The following COBLL1 variants were observed in gnomAD, a reference collection of about 807,000 sequenced individuals.
The protein encoded by COBLL1 is cordon-bleu protein-like 1.
A neutral mutation model predicts 94.8 loss-of-function variants in COBLL1; 50 were observed. That is an observed-to-expected ratio of 0.53 (90% CI 0.42 to 0.67). The LOEUF is 0.67. Ranked by LOEUF, COBLL1 falls within the 30% of genes least tolerant of loss-of-function variation. The pLI is 0.00. For missense variants in COBLL1, 1,362 were observed against 1,348.7 expected (o/e 1.01, Z -0.15); for synonymous variants, 448 against 473.8 (o/e 0.95, Z 0.71).
At chr2:164,806,313 T>G (rs980448328) in intron 2 of COBLL1, among the ~76,000 whole-genome samples, 1 of 152,206 alleles carries the variant, frequency 6.6e-6, no homozygotes. Flanking sequence ...ACTTTAAGCA[T>G]GATTTTTCTT....
chr2:164,787,351 C>A lies in COBLL1; in HGVS notation c.42-43476G>T, dbSNP rs546201636. On this transcript the variant is annotated intron_variant, in intron 2 of 13. Transcript: ENST00000652658. ...TGTATCAAATACAAGTTATGCAGAT[C>A]TAATGCATGGCATGGTGACTGATAC... Among the ~76,000 whole-genome samples, 412 of 152,232 alleles carry A rather than the reference C, an allele frequency of 2.7e-3. 2 individuals carry two copies. Among genetic ancestry groups the A allele is most frequent in the Non-Finnish European group, 4.6e-3 (311 of 68,024 alleles).
At chr2:164,747,046 A>G (rs1686895579) in intron 2 of COBLL1, among the ~76,000 whole-genome samples, 1 of 152,032 alleles carries the variant, frequency 6.6e-6, no homozygotes, top group Non-Finnish European at 1.5e-5. Context: ...GCCATGTAGT[A>G]GGCACTGATA....
At chr2:164,693,745 T>C (rs1683741381) in intron 12 of COBLL1, among the ~76,000 whole-genome samples, 2 of 152,158 alleles carry the variant, frequency 1.3e-5, no homozygotes, top group African/African-American at 4.8e-5. Context: ...AACTCTGCTT[T>C]CAATGTATTT....
At chr2:164,661,250 G>T (rs1046237030) in intron 2 of COBLL1, among the ~76,000 whole-genome samples, 8 of 151,854 alleles carry the variant, frequency 5.3e-5, no homozygotes, top group Admixed American at 2.6e-4. Context: ...TAAATACTGT[G>T]AGTTTAAAAA....
chr2:164,734,969 A>T (rs1022574979), intron 3 of COBLL1, among the ~76,000 whole-genome samples: 1 of 152,060 alleles, frequency 6.6e-6, no homozygotes, highest in Non-Finnish European at 1.5e-5. Flanking sequence ...AGAACGTAAA[A>T]CTCTTGGGAG....
intron 2 of COBLL1, among the ~76,000 whole-genome samples, chr2:164,809,006 T>A (rs1684329734): frequency 6.6e-6 from 1 of 152,104 alleles, no homozygotes. Flanking sequence ...AGAGCAACAC[T>A]TGGAATTCAT....
At chr2:164,746,016 T>G (rs1686843028) in intron 2 of COBLL1, among the ~76,000 whole-genome samples, 1 of 152,166 alleles carries the variant, frequency 6.6e-6, no homozygotes, top group South Asian at 2.1e-4. Context: ...AAAAAGTAAC[T>G]TTGGTAATAG....
At chr2:164,678,191 A>G (rs565072395), downstream of COBLL1, among the ~76,000 whole-genome samples, 9 of 152,310 alleles carry the variant, frequency 5.9e-5, no homozygotes, top group South Asian at 1.5e-3. Context: ...TTTCTTCAAG[A>G]TATAAAGGCT....
intron 2 of COBLL1, among the ~76,000 whole-genome samples, chr2:164,763,606 T>C (rs1430840837): frequency 6.6e-6 from 1 of 152,140 alleles, no homozygotes; most frequent in African/African-American, 2.4e-5. Context: ...TATCAAATTA[T>C]GGTACATCCA....
At chr2:164,829,074 A>G (rs1682927376) in intron 2 of COBLL1, among the ~76,000 whole-genome samples, 1 of 152,212 alleles carries the variant, frequency 6.6e-6, no homozygotes, top group African/African-American at 2.4e-5. Context: ...TTAGAAAAAT[A>G]ACGAATAAAT....
chr2:164,795,934 G>T (rs1296744554), intron 2 of COBLL1, among the ~76,000 whole-genome samples: 1 of 152,194 alleles, frequency 6.6e-6, no homozygotes, highest in Non-Finnish European at 1.5e-5. Flanking sequence ...TGATACTGTG[G>T]TCTGAAGAGT....
chr2:164,798,342 G>A (rs1172255016), intron 2 of COBLL1, among the ~76,000 whole-genome samples: 1 of 152,082 alleles, frequency 6.6e-6, no homozygotes, highest in African/African-American at 2.4e-5. Context: ...CTTCTCCCTA[G>A]AGTTTGCCAA....
intron 2 of COBLL1, among the ~76,000 whole-genome samples, chr2:164,784,301 C>T (rs1688845306): frequency 6.6e-6 from 1 of 152,186 alleles, no homozygotes; most frequent in African/African-American, 2.4e-5. Flanking sequence ...AGAAGTCACT[C>T]AATAAACATG....
intron 2 of COBLL1, among the ~76,000 whole-genome samples, chr2:164,746,749 C>T (rs533914212): frequency 3.3e-5 from 5 of 152,082 alleles, no homozygotes; most frequent in South Asian, 2.1e-4. Flanking sequence ...CCCTTACCTC[C>T]GGCCTCTCCA....
intron 7 of COBLL1, among the ~76,000 whole-genome samples, chr2:164,716,795 C>T (rs1304442541): frequency 6.6e-6 from 1 of 151,998 alleles, no homozygotes; most frequent in East Asian, 1.9e-4. Flanking sequence ...AAAAAAACAC[C>T]ATCCATATAC....
rs964922576 is a variant in COBLL1 at position 164,682,693 on chromosome 2, T to C, written c.*3253A>G. The stretch of plus-strand genomic sequence containing the variant: ...ACATCAGGTAACTTTAAAAGATGAA[T>C]TGCCTGCCGTTTTTAAAATAAGGTT... On this transcript the variant is annotated 3_prime_UTR_variant, in exon 14 of 14. Transcript: ENST00000652658. 1.5e-4 allele frequency: 23 copies of C among 152,248 alleles called. No homozygotes were observed. The highest frequency in any genetic ancestry group is 6.8e-3 in the Middle Eastern group (2 of 294). 9.4% of individuals were successfully genotyped at this position (152,248 alleles called of 1,614,324 possible).
chr2:164,675,038 A>G (rs868268391), intron 1 of COBLL1, among the ~76,000 whole-genome samples: 7 of 152,206 alleles, frequency 4.6e-5, no homozygotes, highest in Non-Finnish European at 1.0e-4. Context: ...CAAGAAAACA[A>G]TCTTAATTTC....
rs144127291 is a variant in COBLL1, at chr2:164,837,132, A to G, written c.41+4024T>C. Among the ~76,000 whole-genome samples, 601 of 152,346 alleles carry G rather than the reference A, an allele frequency of 3.9e-3. 1 individual carries two copies. The highest frequency in any genetic ancestry group is 0.014 in the African/African-American group (576 of 41,582). On this transcript the variant is annotated intron_variant, in intron 2 of 13. Coordinates refer to ENST00000652658, the MANE Select transcript of COBLL1 (RefSeq NM_001365672.2). ...TAGCTCCAAAGCTGCAAAATGATAA[A>G]GAGAGCTTTTGTCCCCTCTGTACAT...
intron 3 of COBLL1, among the ~76,000 whole-genome samples, chr2:164,738,863 A>G (rs1450693238): frequency 6.6e-6 from 1 of 152,184 alleles, no homozygotes; most frequent in Non-Finnish European, 1.5e-5. Context: ...GAAGCATTTG[A>G]GATTTTGGAT....
Sources: allele counts gnomAD v4.1 joint callset (sites outside exome capture counted in the v4.1 genomes callset), GRCh38; gene constraint gnomAD v4.1.1; transcripts MANE v1.5; gene names NCBI Gene and HGNC (gene_info 2026-07-23, HGNC 2026-07-21).